Variants in ASIC2 observed in about 807,000 individuals in gnomAD.
ASIC2 encodes acid sensing ion channel subunit 2, also known as acid-sensing ion channel 2.
In ASIC2, 25 loss-of-function variants were observed where a neutral mutation model predicts 57.3. That is an observed-to-expected ratio of 0.44 (90% confidence interval 0.32 to 0.61). The LOEUF (loss-of-function observed/expected upper bound fraction) is 0.61. Among genes scored for constraint, ASIC2 ranks in the 20% least tolerant of loss-of-function variants. The pLI, the probability that ASIC2 is intolerant of heterozygous loss-of-function variation, is 0.06. For synonymous variants in ASIC2, 319 were observed against 307.5 expected, an observed-to-expected ratio of 1.04 and a Z score of -0.39; for missense variants, 641 against 738.1, an observed-to-expected ratio of 0.87 and a Z score of 1.52.
chr17:33,863,147 T>A lies in ASIC2; in HGVS notation c.555+292831A>T, dbSNP rs138806368. On this transcript the variant is annotated intron_variant, in intron 1 of 9. Transcript: ENST00000359872. ...AATCAGATGATCTGTCTTGAATATCTGTGCTTAGAGAAATAGAGCAGTTGG... is the reference window on the plus strand; with the variant it reads ...AATCAGATGATCTGTCTTGAATATCAGTGCTTAGAGAAATAGAGCAGTTGG... Among the ~76,000 whole-genome samples the A allele has an allele frequency of 2.6e-3, 401 of 152,374 alleles. 3 individuals are homozygous for A. Among genetic ancestry groups the A allele is most frequent in the African/African-American group, 8.5e-3 (355 of 41,596 alleles).
intron 1 of ASIC2, among the ~76,000 whole-genome samples, chr17:33,972,100 T>C (rs1035571097): frequency 3.9e-5 from 6 of 152,242 alleles, no homozygotes; most frequent in Non-Finnish European, 8.8e-5. Context: ...GGTTGAATAA[T>C]GTTGGGAACA....
rs558492439 is a variant in ASIC2, at chr17:33,591,624, T to C, written c.556-479557A>G. ...CACCATTGCACCTGTCTCCTGAGAA[T>C]TGTTCTCTGCTGGCCCTGATAGGAG... is the stretch of plus-strand genomic sequence containing the variant. On this transcript the variant is annotated intron_variant, in intron 1 of 9. Coordinates refer to the ASIC2 transcript ENST00000359872. Among the ~76,000 whole-genome samples, 5 of 152,250 alleles carry C rather than the reference T, an allele frequency of 3.3e-5. No individual in the cohort carries two copies. The East Asian group carries it at 7.7e-4, about 24-fold the overall frequency.
intron 1 of ASIC2, among the ~76,000 whole-genome samples, chr17:33,808,236 T>A (rs1208027778): frequency 6.6e-6 from 1 of 152,248 alleles, no homozygotes; most frequent in Non-Finnish European, 1.5e-5. Flanking sequence ...GTCTACATTC[T>A]TTTTTTGCAT....
intron 1 of ASIC2, among the ~76,000 whole-genome samples, chr17:33,958,488 G>A (rs968451968): frequency 6.7e-6 from 1 of 150,350 alleles, no homozygotes; most frequent in East Asian, 1.9e-4. Context: ...TGCACCCACA[G>A]GACCAACACC....
intron 1 of ASIC2, among the ~76,000 whole-genome samples, chr17:33,771,194 G>A: frequency 6.6e-6 from 1 of 152,156 alleles, no homozygotes; most frequent in East Asian, 1.9e-4. Flanking sequence ...TGTGTTCTGG[G>A]TGGATGTCTG....
intron 1 of ASIC2, among the ~76,000 whole-genome samples, chr17:33,871,008 G>A (rs952983812): frequency 9.2e-5 from 14 of 152,156 alleles, no homozygotes; most frequent in African/African-American, 3.4e-4. Flanking sequence ...GCATGAAGCT[G>A]GGCATCTTGG....
chr17:33,826,568 A>G (rs1912921220), intron 1 of ASIC2, among the ~76,000 whole-genome samples: 1 of 152,174 alleles, frequency 6.6e-6, no homozygotes, highest in African/African-American at 2.4e-5. Flanking sequence ...ACCAATGAGG[A>G]AACAGGCCCA....
rs574732017 is a variant in ASIC2 at position 33,346,220 on chromosome 17, C to T, written c.556-234153G>A. Among the ~76,000 whole-genome samples the T allele has an allele frequency of 1.2e-3, 103 of 87,358 alleles. 1 individual carries two copies. The East Asian group carries it at 0.038, about 32-fold the overall frequency. 57.3% of individuals were successfully genotyped at this position (87,358 alleles called of 152,430 possible). ...CCAGCCTGGGTGACAGAGAGAGATT[C>T]CCTCTCAAAAAAAAAAAAAAAAAAA... On this transcript the variant is annotated intron_variant, in intron 1 of 9. Transcript: ENST00000359872.
chr17:33,149,651 G>A (rs912576174), intron 1 of ASIC2, among the ~76,000 whole-genome samples: 3 of 152,052 alleles, frequency 2.0e-5, no homozygotes, highest in Non-Finnish European at 2.9e-5. Context: ...TTGCATGAGT[G>A]TCTTTCACAT....
intron 2 of ASIC2, among the ~76,000 whole-genome samples, chr17:33,110,359 C>A (rs892883875): frequency 6.6e-6 from 1 of 152,154 alleles, no homozygotes; most frequent in Non-Finnish European, 1.5e-5. Flanking sequence ...TGTCCACCAG[C>A]CCTCAGGGAT....
intron 1 of ASIC2, among the ~76,000 whole-genome samples, chr17:33,856,945 C>A (rs989909459): frequency 2.0e-5 from 3 of 151,974 alleles, no homozygotes; most frequent in Non-Finnish European, 2.9e-5. Context: ...CTTGTAGTCA[C>A]GGAGGAGCCA....
chr17:33,306,678 G>C (rs1906191289), intron 1 of ASIC2, among the ~76,000 whole-genome samples: 1 of 152,070 alleles, frequency 6.6e-6, no homozygotes, highest in Admixed American at 6.6e-5. Flanking sequence ...ACAGCCTAGA[G>C]CTTACTCTGT....
intron 1 of ASIC2, among the ~76,000 whole-genome samples, chr17:34,093,927 C>T (rs1345658397): frequency 6.6e-6 from 1 of 152,078 alleles, no homozygotes; most frequent in African/African-American, 2.4e-5. Context: ...ATGGCGAACC[C>T]CTGGAGCCCT....
intron 1 of ASIC2, among the ~76,000 whole-genome samples, chr17:34,130,638 T>C (rs887763164): frequency 2.6e-5 from 4 of 152,254 alleles, no homozygotes; most frequent in Non-Finnish European, 4.4e-5. Context: ...TTCCAAACTC[T>C]GGAATTCCCT....
At chr17:33,466,405 G>A (rs1912864557) in intron 1 of ASIC2, among the ~76,000 whole-genome samples, 1 of 152,054 alleles carries the variant, frequency 6.6e-6, no homozygotes, top group African/African-American at 2.4e-5. Flanking sequence ...AGTGAAAATG[G>A]CCATACTGCC....
intron 1 of ASIC2, among the ~76,000 whole-genome samples, chr17:33,645,870 T>C (rs952951176): frequency 9.9e-5 from 15 of 152,184 alleles, no homozygotes; most frequent in African/African-American, 3.6e-4. Flanking sequence ...ATAGTGTGTC[T>C]AGTACATGCC....
At chr17:33,197,463 C>T (rs1475530637) in intron 1 of ASIC2, among the ~76,000 whole-genome samples, 3 of 152,232 alleles carry the variant, frequency 2.0e-5, no homozygotes, top group African/African-American at 4.8e-5. Context: ...CCACCAGGCA[C>T]TCATATTCTC....
chr17:33,221,008 T>A (rs1278937527), intron 1 of ASIC2, among the ~76,000 whole-genome samples: 1 of 152,016 alleles, frequency 6.6e-6, no homozygotes, highest in Non-Finnish European at 1.5e-5. Flanking sequence ...GGAGGAAAAG[T>A]TTGCAGTGAG....
chr17:33,610,729 A>G (rs1441893992), intron 1 of ASIC2, among the ~76,000 whole-genome samples: 1 of 151,674 alleles, frequency 6.6e-6, no homozygotes, highest in East Asian at 1.9e-4. Context: ...ATAAATAAAT[A>G]AATAAATAAA....
Sources: gnomAD v4.1 joint callset for allele counts (sites outside exome capture counted in the v4.1 genomes callset) on GRCh38, gnomAD v4.1.1 for gene constraint, MANE v1.5 for transcripts, NCBI Gene and HGNC (gene_info 2026-07-23, HGNC 2026-07-21) for gene names.